ELMO1: variants seen among roughly 807,000 people sequenced by gnomAD.
ELMO1 encodes the protein engulfment and cell motility protein 1.
ELMO1 carries 26 observed loss-of-function variants against 98.9 expected under a neutral mutation model. That is an observed-to-expected ratio of 0.26 (90% CI 0.19 to 0.36). The LOEUF is 0.36. ELMO1 is among the 10% of genes least tolerant of loss of function. The pLI, the probability that ELMO1 is intolerant of heterozygous loss-of-function variation, is 1.00. For synonymous variants in ELMO1, 346 were observed against 346.0 expected, an observed-to-expected ratio of 1.00 and a Z score of 0.00; for missense variants, 627 against 935.2, an observed-to-expected ratio of 0.67 and a Z score of 4.30.
intron 6 of ELMO1, among the ~76,000 whole-genome samples, chr7:37,252,925 C>T (rs1262593932): frequency 6.6e-6 from 1 of 152,128 alleles, no homozygotes; most frequent in Non-Finnish European, 1.5e-5. Context: ...AGCATATGAA[C>T]AGACACTTCT....
intron 16 of ELMO1, among the ~76,000 whole-genome samples, chr7:37,007,698 T>C (rs1359204306): frequency 2.0e-5 from 3 of 152,244 alleles, no homozygotes; most frequent in Non-Finnish European, 2.9e-5. Context: ...TTTTTATTCA[T>C]GTGTTAGCTG....
At chr7:37,103,524 TGGGGGGA>T (rs1290902109) in intron 14 of ELMO1, among the ~76,000 whole-genome samples, 3 of 71,660 alleles carry the variant, frequency 4.2e-5, no homozygotes, top group Non-Finnish European at 7.8e-5. Flanking sequence ...TGTTGTGGGG[TGGGGGGA>T]GGGGGGAGGG....
intron 16 of ELMO1, among the ~76,000 whole-genome samples, chr7:36,930,671 C>T (rs1015986635): frequency 2.0e-5 from 3 of 152,196 alleles, no homozygotes; most frequent in South Asian, 4.1e-4. Flanking sequence ...TTTTTTAATG[C>T]TGTGTTTTTA....
intron 13 of ELMO1, among the ~76,000 whole-genome samples, chr7:37,155,552 C>G (rs1210257091): frequency 6.9e-6 from 1 of 144,972 alleles, no homozygotes; most frequent in Admixed American, 6.8e-5. Flanking sequence ...GACTTTAAAC[C>G]AACAAAGATC....
intron 1 of ELMO1, among the ~76,000 whole-genome samples, chr7:37,352,585 T>C (rs1284943062): frequency 6.6e-6 from 1 of 152,216 alleles, no homozygotes; most frequent in East Asian, 1.9e-4. Flanking sequence ...TTTGAGACTA[T>C]TTGCCTCCTC....
chr7:36,859,530 T>C (rs2129032138), intron 21 of ELMO1, among the ~76,000 whole-genome samples: 1 of 152,308 alleles, frequency 6.6e-6, no homozygotes, highest in African/African-American at 2.4e-5. Context: ...GCTCAGTGTC[T>C]GCTCTTTCTC....
intron 16 of ELMO1, among the ~76,000 whole-genome samples, chr7:36,957,888 C>G (rs537564453): frequency 6.6e-6 from 1 of 152,190 alleles, no homozygotes. Flanking sequence ...CTGTAGGTAG[C>G]CCCTCCGGCA....
At chr7:36,960,265 A>T (rs1456185212) in intron 16 of ELMO1, among the ~76,000 whole-genome samples, 2 of 152,206 alleles carry the variant, frequency 1.3e-5, no homozygotes, top group African/African-American at 2.4e-5. Context: ...TGATGACAGC[A>T]GACTCAGTTA....
At position 36,876,922 on chromosome 7, in the gene ELMO1, T is replaced by G. The variant is rs1804032753; in HGVS notation, c.1822+1088A>C. Among the ~76,000 whole-genome samples, 6 of 152,266 alleles carry G rather than the reference T, an allele frequency of 3.9e-5. No homozygotes were observed. The South Asian group carries it at 1.2e-3, about 32-fold the overall frequency. ...TATGAAAGAAAACAAGATCGTTTTCTGAACTAAGTGACATCACAAAGACCA... is the reference window on the plus strand; with the variant it reads ...TATGAAAGAAAACAAGATCGTTTTCGGAACTAAGTGACATCACAAAGACCA... On this transcript the variant is annotated intron_variant, in intron 19 of 21. Transcript: ENST00000310758.
In ELMO1 at chr7:37,148,305, C is replaced by T. The variant is rs752445288; in HGVS notation, c.1087-15071G>A. Among the ~76,000 whole-genome samples, 69 of 152,214 alleles carry T rather than the reference C, an allele frequency of 4.5e-4. 1 individual carries two copies. The highest frequency in any genetic ancestry group is 6.0e-4 in the Non-Finnish European group (41 of 68,040). ...CAATACAGAAAGACACACACACACT[C>T]ATAAATTACACAGGAAAACACAATG... On this transcript the variant is annotated intron_variant, in intron 13 of 21. Transcript: ENST00000310758.
intron 16 of ELMO1, chr7:36,985,993 T>TA (rs1267501834): frequency 1.0e-6 from 1 of 1,002,704 alleles, no homozygotes; most frequent in African/African-American, 1.7e-5. Flanking sequence ...CAAAGCGACT[T>TA]AGAGTCGTCC....
intron 1 of ELMO1, among the ~76,000 whole-genome samples, chr7:37,384,580 C>T (rs186395865): frequency 6.6e-6 from 1 of 152,124 alleles, no homozygotes; most frequent in East Asian, 1.9e-4. Context: ...ATTAGCCGGG[C>T]GCGGTGGTGG....
chr7:36,945,440 C>T (rs558682794), intron 16 of ELMO1, among the ~76,000 whole-genome samples: 130 of 152,210 alleles, frequency 8.5e-4, no homozygotes, highest in African/African-American at 2.6e-3. Context: ...TACCCCAAAC[C>T]GGAGCCCAGC....
At chr7:37,118,458 A>C (rs1253484998) in intron 14 of ELMO1, among the ~76,000 whole-genome samples, 1 of 152,216 alleles carries the variant, frequency 6.6e-6, no homozygotes, top group Non-Finnish European at 1.5e-5. Context: ...AAAGTCCTTC[A>C]TTCTCAGCCA....
intron 15 of ELMO1, among the ~76,000 whole-genome samples, chr7:37,044,032 G>T (rs1795670785): frequency 6.6e-6 from 1 of 152,130 alleles, no homozygotes; most frequent in Non-Finnish European, 1.5e-5. Context: ...TGAAGCATGA[G>T]ATGTTTATTT....
At chr7:37,185,688 T>C (rs1402355681) in intron 13 of ELMO1, among the ~76,000 whole-genome samples, 1 of 152,206 alleles carries the variant, frequency 6.6e-6, no homozygotes, top group Non-Finnish European at 1.5e-5. Flanking sequence ...TTCTTAGGGA[T>C]CATTTATATA....
intron 16 of ELMO1, among the ~76,000 whole-genome samples, chr7:37,005,107 CAAAAA>C (rs35665315): frequency 7.8e-5 from 3 of 38,282 alleles, no homozygotes; most frequent in East Asian, 8.0e-4. Context: ...GGCTCTGTCT[CAAAAA>C]AAAAAAAAAA....
chr7:37,162,634 A>C (rs1252968382), intron 13 of ELMO1, among the ~76,000 whole-genome samples: 1 of 152,228 alleles, frequency 6.6e-6, no homozygotes, highest in Non-Finnish European at 1.5e-5. Context: ...AAAATTTTTT[A>C]AAGTTGAAAA....
At chr7:37,412,455 T>G (rs1042757601) in intron 1 of ELMO1, among the ~76,000 whole-genome samples, 1 of 152,222 alleles carries the variant, frequency 6.6e-6, no homozygotes, top group African/African-American at 2.4e-5. Context: ...ATGACTAGTT[T>G]AACAGATGAA....
Sources: gnomAD v4.1 joint callset for allele counts (sites outside exome capture counted in the v4.1 genomes callset) on GRCh38, gnomAD v4.1.1 for gene constraint, MANE v1.5 for transcripts, NCBI Gene and HGNC (gene_info 2026-07-23, HGNC 2026-07-21) for gene names.